The following HPSE2 variants were observed in gnomAD, a reference collection of about 807,000 sequenced individuals.
The protein encoded by HPSE2 is heparanase 2 (inactive).
Under a neutral mutation model 60.5 loss-of-function variants are expected in HPSE2, and 38 were observed. The observed-to-expected ratio is 0.63, with a 90% CI of 0.48 to 0.82. HPSE2 has a LOEUF of 0.82. HPSE2 is among the 40% of genes least tolerant of loss of function. The pLI, the probability that HPSE2 is intolerant of heterozygous loss-of-function variation, is 0.00. For synonymous variants in HPSE2, 295 were observed against 293.2 expected, an observed-to-expected ratio of 1.01 and a Z score of -0.06; for missense variants, 713 against 740.4, an observed-to-expected ratio of 0.96 and a Z score of 0.43.
At chr10:98,671,426 AG>A (rs1460935111) in intron 6 of HPSE2, among the ~76,000 whole-genome samples, 1 of 152,204 alleles carries the variant, frequency 6.6e-6, no homozygotes, top group Non-Finnish European at 1.5e-5. Flanking sequence ...TTACTCACAT[AG>A]TTTCATGTAA....
chr10:98,744,052 C>G lies in HPSE2; in HGVS notation c.615G>C (p.Arg205Ser). The G allele has an allele frequency of 6.2e-7, 1 of 1,613,908 alleles. No individual in the cohort carries two copies. Among genetic ancestry groups the G allele is most frequent in the Non-Finnish European group, 8.5e-7 (1 of 1,179,888 alleles). The change falls in exon 4 of 12, where the codon AGG becomes AGC. Residue 205 changes from arginine (R) to serine (S), a missense_variant. Physicochemically the swap from Arg to Ser is moderately radical, Grantham distance 110. Coordinates refer to ENST00000370552, the MANE Select transcript of HPSE2 (RefSeq NM_021828.5). Reference sequence around the variant, plus strand: ...CAAAGTTATAAAGTTTGTCTAGAGACCTGGCTGGGAAGAAGCAGAGAAAGG... The same window carrying G: ...CAAAGTTATAAAGTTTGTCTAGAGAGCTGGCTGGGAAGAAGCAGAGAAAGG... ...NTYSNLILTA[R>S]SLDKLYNFAD...
intron 9 of HPSE2, among the ~76,000 whole-genome samples, chr10:98,599,902 T>A (rs11189707): frequency 0.42 from 63,362 of 151,660 alleles, 15,898 homozygotes; most frequent in Admixed American, 0.54. Flanking sequence ...AGCCTTCTTT[T>A]TTGGCTAATT....
intron 9 of HPSE2, among the ~76,000 whole-genome samples, chr10:98,571,763 A>C (rs625777): frequency 0.85 from 129,109 of 152,126 alleles, 56,075 homozygotes; most frequent in East Asian, 1. Flanking sequence ...CCATAAAAAT[A>C]TCACACAAAA....
At chr10:98,867,843 T>C (rs1425193096) in intron 3 of HPSE2, among the ~76,000 whole-genome samples, 1 of 152,090 alleles carries the variant, frequency 6.6e-6, no homozygotes, top group African/African-American at 2.4e-5. Flanking sequence ...GCCAACTACC[T>C]GAGGTCAGGA....
chr10:98,968,824 T>G (rs887165696), intron 3 of HPSE2, among the ~76,000 whole-genome samples: 1 of 151,716 alleles, frequency 6.6e-6, no homozygotes, highest in African/African-American at 2.4e-5. Context: ...AATGATATAA[T>G]AGACTCTGGG....
intron 3 of HPSE2, among the ~76,000 whole-genome samples, chr10:98,894,991 A>G (rs1008431626): frequency 2.6e-5 from 4 of 152,102 alleles, no homozygotes; most frequent in Non-Finnish European, 5.9e-5. Context: ...GAAAACAAAT[A>G]ACCATCAACC....
intron 3 of HPSE2, among the ~76,000 whole-genome samples, chr10:99,060,046 A>C (rs9919518): frequency 0.1 from 15,089 of 150,918 alleles, 791 homozygotes; most frequent in South Asian, 0.19. Flanking sequence ...ACATCTCCCC[A>C]CACACACACA....
intron 3 of HPSE2, among the ~76,000 whole-genome samples, chr10:98,966,378 G>C (rs1955815486): frequency 6.6e-6 from 1 of 152,122 alleles, no homozygotes; most frequent in African/African-American, 2.4e-5. Flanking sequence ...AGACAGAAAG[G>C]CACTAGAGAG....
intron 2 of HPSE2, among the ~76,000 whole-genome samples, chr10:99,190,643 G>A (rs1848187550): frequency 6.6e-6 from 1 of 152,206 alleles, no homozygotes; most frequent in Non-Finnish European, 1.5e-5. Flanking sequence ...GGAGGAGGCA[G>A]AGCAAGATGG....
chr10:99,030,648 C>A (rs1162886573), intron 3 of HPSE2, among the ~76,000 whole-genome samples: 1 of 152,030 alleles, frequency 6.6e-6, no homozygotes, highest in African/African-American at 2.4e-5. Context: ...GGCTATATAC[C>A]CCAAAGAAAA....
At chr10:98,702,076 A>G (rs547169945) in intron 5 of HPSE2, among the ~76,000 whole-genome samples, 1 of 152,336 alleles carries the variant, frequency 6.6e-6, no homozygotes, top group East Asian at 1.9e-4. Flanking sequence ...TCATGTGCAA[A>G]GACACACACA....
intron 3 of HPSE2, among the ~76,000 whole-genome samples, chr10:98,864,062 C>T (rs2134792601): frequency 6.6e-6 from 1 of 152,182 alleles, no homozygotes; most frequent in African/African-American, 2.4e-5. Flanking sequence ...CTGAGATTCC[C>T]AGAAACCTCT....
At chr10:99,103,089 T>C (rs1377617333) in intron 3 of HPSE2, among the ~76,000 whole-genome samples, 3 of 152,150 alleles carry the variant, frequency 2.0e-5, no homozygotes, top group Admixed American at 6.6e-5. Context: ...GGGATGCCCT[T>C]TCTCACCCCT....
At position 99,235,684 on chromosome 10, in the gene HPSE2, T is replaced by C. The variant is rs201180054; in HGVS notation, c.119A>G (p.Gln40Arg). The change falls in exon 1 of 12, where the codon CAG becomes CGG. Residue 40 changes from glutamine to arginine, a missense_variant. Physicochemically the swap from Gln to Arg is conservative, Grantham distance 43. Transcript: ENST00000370552. Reference protein sequence around the residue: ...ALLLHLSLSSQAGDRRPLPVD... With the variant: ...ALLLHLSLSSRAGDRRPLPVD... ...AGGCAAGGGTCTCCTGTCTCCAGCC[T>C]GGGAGGAAAGGGAGAGATGGAGCAA... The C allele has an allele frequency of 4.3e-6, 7 of 1,613,786 alleles. 1 individual carries two copies. In the African/African-American group the frequency reaches 5.3e-5, roughly 12 times the overall value.
intron 2 of HPSE2, among the ~76,000 whole-genome samples, chr10:99,171,466 G>T (rs1014991324): frequency 6.6e-6 from 1 of 152,086 alleles, no homozygotes; most frequent in South Asian, 2.1e-4. Context: ...ATGAAGAGAT[G>T]GATGTAGCTC....
At chr10:99,290,884 A>AGAT in the HPSE2 span, among the ~76,000 whole-genome samples, 1 of 152,202 alleles carries the variant, frequency 6.6e-6, no homozygotes, top group African/African-American at 2.4e-5. Context: ...ACAGAGCTGA[A>AGAT]GATTTCTGAG....
intron 3 of HPSE2, among the ~76,000 whole-genome samples, chr10:98,894,050 C>T (rs1025810637): frequency 6.6e-6 from 1 of 152,126 alleles, no homozygotes; most frequent in African/African-American, 2.4e-5. Flanking sequence ...TTGGCCTTCA[C>T]ATAAATATAG....
chr10:99,245,017 T>C, the HPSE2 span, among the ~76,000 whole-genome samples: 1 of 152,186 alleles, frequency 6.6e-6, no homozygotes, highest in Non-Finnish European at 1.5e-5. Context: ...TATCTAGAGA[T>C]ATTGACATGC....
chr10:99,311,807 G>A, the HPSE2 span, among the ~76,000 whole-genome samples: 5 of 152,184 alleles, frequency 3.3e-5, no homozygotes, highest in African/African-American at 7.2e-5. Flanking sequence ...GAGATAGGCC[G>A]AAAGCTAGGC....
Sources: gnomAD v4.1 joint callset for allele counts (sites outside exome capture counted in the v4.1 genomes callset) on GRCh38, gnomAD v4.1.1 for gene constraint, MANE v1.5 for transcripts, NCBI Gene and HGNC (gene_info 2026-07-23, HGNC 2026-07-21) for gene names.